Variants in ZSWIM5 observed in about 807,000 individuals in gnomAD.
The protein encoded by ZSWIM5 is zinc finger SWIM domain-containing protein 5.
In ZSWIM5, 55 loss-of-function variants were observed where a neutral mutation model predicts 119.6. The ratio of observed to expected loss-of-function variants is 0.46; its 90% CI spans 0.37 to 0.58. The LOEUF (loss-of-function observed/expected upper bound fraction) is 0.58. Ranked by LOEUF, ZSWIM5 falls within the 20% of genes least tolerant of loss-of-function variation. The pLI is 0.00. For missense variants in ZSWIM5, 1,193 were observed against 1,512.8 expected (o/e 0.79, Z 3.51); for synonymous variants, 537 against 606.9 (o/e 0.88, Z 1.69).
In ZSWIM5 at chr1:45,019,142, C is replaced by T. The variant is rs1644872218; in HGVS notation, c.2870G>A (p.Cys957Tyr). The change falls in exon 14 of 14, where the codon TGT (cysteine) becomes TAT (tyrosine). Residue 957 changes from cysteine to tyrosine, a missense_variant. Cys to Tyr is a radical substitution (Grantham distance 194, BLOSUM62 -2). Around this residue, in one of 2 missense-constraint regions of ZSWIM5, gnomAD observed 961 missense variants for 1,290.0 expected, o/e 0.74. Coordinates refer to ENST00000359600, the MANE Select transcript of ZSWIM5 (RefSeq NM_020883.2). The surrounding 1 kb of genome is among the most constrained non-coding windows in gnomAD (Gnocchi z 5.0). ...ASCARTLALQ[C>Y]AMKDPQSCAL... ...ACAGCTCTGTGGATCCTTCATAGCA[C>T]ACTGTAGAGCCAGTGTGCGAGCACA... 6.2e-7 allele frequency: 1 copy of T among 1,613,920 alleles called. No homozygotes were observed. Among genetic ancestry groups the T allele is most frequent in the African/African-American group, 1.3e-5 (1 of 74,924 alleles).
Position 45,154,854 on chromosome 1 carries a change from C to T in ZSWIM5, c.595+50902G>A, listed in dbSNP as rs1645817882. 2.0e-5 allele frequency among the ~76,000 whole-genome samples: 3 copies of T among 151,136 alleles called. No homozygotes were observed. In the South Asian group the frequency reaches 6.2e-4, roughly 31 times the overall value. Reference sequence around the variant, plus strand: ...TGGAGATTGTGCCATTGCACTCCAGCCTGAGTGACAAGAGTGAAACTCCAG... The same window carrying T: ...TGGAGATTGTGCCATTGCACTCCAGTCTGAGTGACAAGAGTGAAACTCCAG... On this transcript the variant is annotated intron_variant, in intron 1 of 13. Transcript: ENST00000359600.
intron 5 of ZSWIM5, among the ~76,000 whole-genome samples, chr1:45,044,699 G>A (rs1431125063): frequency 2.2e-5 from 2 of 91,690 alleles, no homozygotes; most frequent in African/African-American, 8.3e-5. Flanking sequence ...ACTCCAGCCT[G>A]GGCGACAGAG....
At chr1:45,184,822 G>C (rs1216273892) in intron 1 of ZSWIM5, among the ~76,000 whole-genome samples, 3 of 151,144 alleles carry the variant, frequency 2.0e-5, no homozygotes, top group Non-Finnish European at 1.5e-5. Context: ...TGGCCATACT[G>C]CCCAAGGTAA....
At chr1:45,023,447 T>A (rs974910154) in intron 11 of ZSWIM5, among the ~76,000 whole-genome samples, 2 of 151,978 alleles carry the variant, frequency 1.3e-5, no homozygotes, top group Non-Finnish European at 2.9e-5. Context: ...GCATTTAAGT[T>A]TCCTCCATAT....
intron 1 of ZSWIM5, among the ~76,000 whole-genome samples, chr1:45,192,445 G>A (rs1249813528): frequency 6.6e-6 from 1 of 152,176 alleles, no homozygotes; most frequent in Non-Finnish European, 1.5e-5. Flanking sequence ...GTTGTAGCAT[G>A]TATTAGGATT....
chr1:45,156,207 T>C (rs1305943839), intron 1 of ZSWIM5, among the ~76,000 whole-genome samples: 2 of 152,014 alleles, frequency 1.3e-5, no homozygotes, highest in East Asian at 1.9e-4. Context: ...AAACACCACA[T>C]GTTCTCACTT....
chr1:45,019,926 C>G lies in ZSWIM5; in HGVS notation c.2695+140G>C. 1 of 717,728 alleles carries G rather than the reference C, an allele frequency of 1.4e-6. No homozygotes were observed. The highest frequency in any genetic ancestry group is 2.3e-6 in the Non-Finnish European group (1 of 426,322). The allele number at this position is 717,728 out of a possible 1,614,324, so 44.5% of individuals were successfully genotyped here. A position where few individuals can be genotyped will look rare whatever the true frequency, so the allele number is the denominator to read the frequency against. ...AGAGGCCACCTTCTCCTACCAGCAG[C>G]CCCATCCTTTCTTAGGCCATCTCCT... On this transcript the variant is annotated intron_variant, in intron 13 of 13. Coordinates refer to ENST00000359600, the MANE Select transcript of ZSWIM5 (RefSeq NM_020883.2). The surrounding 1 kb of genome is among the most constrained non-coding windows in gnomAD (Gnocchi z 5.0).
intron 1 of ZSWIM5, among the ~76,000 whole-genome samples, chr1:45,126,341 A>G (rs1645621829): frequency 6.6e-6 from 1 of 152,154 alleles, no homozygotes; most frequent in Non-Finnish European, 1.5e-5. Flanking sequence ...GGAATGAAAC[A>G]AGGAATATTA....
At chr1:45,118,511 G>T (rs1172726232) in intron 1 of ZSWIM5, among the ~76,000 whole-genome samples, 1 of 152,134 alleles carries the variant, frequency 6.6e-6, no homozygotes, top group Non-Finnish European at 1.5e-5. Flanking sequence ...GGATACCGAG[G>T]CAGGCAGAGG....
intron 1 of ZSWIM5, among the ~76,000 whole-genome samples, chr1:45,114,797 C>T (rs1004846078): frequency 6.6e-6 from 1 of 152,136 alleles, no homozygotes; most frequent in African/African-American, 2.4e-5. Context: ...CTGCGGCCTT[C>T]CGCAGTGTTT....
Position 45,057,451 on chromosome 1 carries a change from G to A in ZSWIM5, c.1252+1158C>T, listed in dbSNP as rs1380285000. 1.3e-5 allele frequency among the ~76,000 whole-genome samples: 2 copies of A among 152,190 alleles called. No individual in the cohort carries two copies. The highest frequency in any genetic ancestry group is 2.9e-5 in the Non-Finnish European group (2 of 68,024). On this transcript the variant is annotated intron_variant, in intron 4 of 13. Transcript: ENST00000359600. The surrounding 1 kb of genome is among the most constrained non-coding windows in gnomAD (Gnocchi z 4.7). ...TCCTCCCAACTACCTTTGTCCCAGA[G>A]GTAAAGCCCAAGTTCACAGCACAAT...
intron 1 of ZSWIM5, among the ~76,000 whole-genome samples, chr1:45,174,570 TAAA>T (rs36017471): frequency 8.6e-6 from 1 of 116,392 alleles, no homozygotes; most frequent in Non-Finnish European, 1.8e-5. Context: ...CCAACTCTAC[TAAA>T]AAAAAAAAAA....
intron 5 of ZSWIM5, among the ~76,000 whole-genome samples, chr1:45,044,836 A>AAT (rs1172468825): frequency 0.077 from 907 of 11,856 alleles, 342 homozygotes; most frequent in African/African-American, 0.24. Context: ...TATATATATA[A>AAT]ATATATATAT....
intron 1 of ZSWIM5, among the ~76,000 whole-genome samples, chr1:45,104,806 A>G (rs919409052): frequency 1.3e-5 from 2 of 152,170 alleles, no homozygotes; most frequent in Non-Finnish European, 2.9e-5. Flanking sequence ...TTAACCTCCG[A>G]AGAACAGCCA....
chr1:45,136,925 C>T (rs1645693856), intron 1 of ZSWIM5, among the ~76,000 whole-genome samples: 1 of 151,928 alleles, frequency 6.6e-6, no homozygotes. Flanking sequence ...TGCTGAAAGC[C>T]CTATTCAGTT....
At chr1:45,036,905 C>T (rs1165413546) in intron 8 of ZSWIM5, among the ~76,000 whole-genome samples, 2 of 151,986 alleles carry the variant, frequency 1.3e-5, no homozygotes, top group Non-Finnish European at 2.9e-5. Flanking sequence ...CTCAAGCGAC[C>T]CTCCCACTTC....
intron 1 of ZSWIM5, among the ~76,000 whole-genome samples, chr1:45,154,241 A>G (rs960303899): frequency 6.6e-6 from 1 of 152,170 alleles, no homozygotes; most frequent in Non-Finnish European, 1.5e-5. Context: ...AAAACTAGAA[A>G]AAAAAACCCT....
At chr1:45,189,787 T>C (rs1646080505) in intron 1 of ZSWIM5, among the ~76,000 whole-genome samples, 1 of 151,926 alleles carries the variant, frequency 6.6e-6, no homozygotes, top group Non-Finnish European at 1.5e-5. Context: ...ACAACCTACA[T>C]AATTACCTGA....
intron 2 of ZSWIM5, among the ~76,000 whole-genome samples, chr1:45,073,282 A>C (rs1439185950): frequency 1.1e-5 from 1 of 95,172 alleles, no homozygotes; most frequent in Non-Finnish European, 1.9e-5. Context: ...TTTTTGGTGG[A>C]GTCTCACTGT....
Sources: gnomAD v4.1 joint callset for allele counts (sites outside exome capture counted in the v4.1 genomes callset) on GRCh38, gnomAD v4.1.1 for gene constraint, gnomAD v4.1.1 regional missense constraint, Gnocchi (gnomAD v3.1) non-coding constraint, MANE v1.5 for transcripts, NCBI Gene and HGNC (gene_info 2026-07-23, HGNC 2026-07-21) for gene names.